EFR3B: variants seen among roughly 807,000 people sequenced by gnomAD.
EFR3B encodes the protein EFR3 homolog B.
In EFR3B, 64 loss-of-function variants were observed where a neutral mutation model predicts 104.7. The ratio of observed to expected loss-of-function variants is 0.61; its 90% CI spans 0.50 to 0.75. The LOEUF (loss-of-function observed/expected upper bound fraction) is 0.75, where lower values mean the gene tolerates loss of function less well. Ranked by LOEUF, EFR3B falls within the 30% of genes least tolerant of loss-of-function variation. EFR3B has a pLI of 0.00. For missense variants in EFR3B, 750 were observed against 1,078.5 expected (o/e 0.70, Z 4.27); for synonymous variants, 385 against 417.9 (o/e 0.92, Z 0.96).
chr2:25,149,581 C>T, intron 19 of EFR3B, 113 bp from the exon 20 acceptor site: 1 of 1,083,912 alleles, frequency 9.2e-7, no homozygotes, highest in Non-Finnish European at 1.4e-6. Flanking sequence ...GACTTCCTGC[C>T]CACTGGGACT....
Position 25,143,711 on chromosome 2 carries a change from C to G in EFR3B, c.1923-24C>G, listed in dbSNP as rs949315886. 5.2e-6 allele frequency: 8 copies of G among 1,550,816 alleles called. No individual in the cohort carries two copies. The African/African-American group carries it at 9.6e-5, about 19-fold the overall frequency. On this transcript the variant is annotated intron_variant, in intron 17 of 22. Coordinates refer to ENST00000403714, the MANE Select transcript of EFR3B (RefSeq NM_014971.2). ...TTCTAGATACCGCGGTTCTAACGAACTTTCTCCCTCCTTCATCTTCCAGGC... is the reference window on the plus strand; with the variant it reads ...TTCTAGATACCGCGGTTCTAACGAAGTTTCTCCCTCCTTCATCTTCCAGGC...
chr2:25,129,121 A>C (rs1038684232), intron 6 of EFR3B, among the ~76,000 whole-genome samples: 2 of 151,742 alleles, frequency 1.3e-5, no homozygotes, highest in Non-Finnish European at 2.9e-5. Flanking sequence ...GCAGCCACTC[A>C]GTAAGAGCTT....
intron 4 of EFR3B, among the ~76,000 whole-genome samples, chr2:25,108,598 A>C (rs537290979): frequency 3.5e-4 from 53 of 152,338 alleles, no homozygotes; most frequent in African/African-American, 1.3e-3. Context: ...AGAAGAAACT[A>C]TAGGGATAAG....
In EFR3B at chr2:25,136,456, G is replaced by A; in HGVS notation, c.1485-67G>A. ...CTAACAATGTTGGGGATAAAGCTCAGTGACCCCGTGTGAGCTCAGGCTGGC... is the reference window on the plus strand; with the variant it reads ...CTAACAATGTTGGGGATAAAGCTCAATGACCCCGTGTGAGCTCAGGCTGGC... On this transcript the variant is annotated intron_variant, in intron 13 of 22. Transcript: ENST00000403714. The surrounding 1 kb of genome is among the most constrained non-coding windows in gnomAD (Gnocchi z 4.0). 3 of 1,314,702 alleles carry A rather than the reference G, an allele frequency of 2.3e-6. No individual in the cohort carries two copies. The highest frequency in any genetic ancestry group is 2.5e-5 in the East Asian group (1 of 39,378). 81.4% of individuals were successfully genotyped at this position (1,314,702 alleles called of 1,614,324 possible). A position where few individuals can be genotyped will look rare whatever the true frequency, so the allele number is the denominator to read the frequency against.
chr2:25,107,325 A>G (rs933984186), intron 4 of EFR3B, among the ~76,000 whole-genome samples: 43 of 152,162 alleles, frequency 2.8e-4, no homozygotes, highest in African/African-American at 1.0e-3. Flanking sequence ...GCCTCCCTGT[A>G]GCTTTTCCCT....
intron 1 of EFR3B, among the ~76,000 whole-genome samples, chr2:25,047,206 A>G (rs1159022644): frequency 6.6e-6 from 1 of 152,226 alleles, no homozygotes; most frequent in Non-Finnish European, 1.5e-5. Flanking sequence ...CCTTCTATCT[A>G]TGACATCAAT....
chr2:25,137,646 C>A lies in EFR3B; in HGVS notation c.1722+144C>A. ...ATTGTACTCGTGGTTGGCCACGCCT[C>A]CCTGAAGACCCCAAACCATGGTCCT... is the stretch of plus-strand genomic sequence containing the variant. On this transcript the variant is annotated intron_variant, in intron 15 of 22. Transcript: ENST00000403714. The surrounding 1 kb of genome is among the most constrained non-coding windows in gnomAD (Gnocchi z 4.7). 1 of 1,149,202 alleles carries A rather than the reference C, an allele frequency of 8.7e-7. No individual in the cohort carries two copies. The highest frequency in any genetic ancestry group is 1.2e-6 in the Non-Finnish European group (1 of 820,668). The allele number at this position is 1,149,202 out of a possible 1,614,324, so 71.2% of individuals were successfully genotyped here. A position where few individuals can be genotyped will look rare whatever the true frequency, so the allele number is the denominator to read the frequency against.
chr2:25,152,886 A>C (rs1671054315), intron 21 of EFR3B, among the ~76,000 whole-genome samples: 1 of 151,718 alleles, frequency 6.6e-6, no homozygotes. Context: ...TATTGTTCTA[A>C]CCTCTCATCC....
At chr2:25,145,564 ACCT>A (rs1670791643) in intron 19 of EFR3B, 1 of 159,282 alleles carries the variant, frequency 6.3e-6, no homozygotes, top group African/African-American at 2.4e-5. Flanking sequence ...ACAGAGTGAG[ACCT>A]CGTCTCAAAA....
chr2:25,140,327 T>TA (rs2149209828), intron 16 of EFR3B, among the ~76,000 whole-genome samples: 1 of 152,048 alleles, frequency 6.6e-6, no homozygotes, highest in Non-Finnish European at 1.5e-5. Context: ...TAAAATGAAA[T>TA]ACATTAGCAA....
intron 1 of EFR3B, among the ~76,000 whole-genome samples, chr2:25,064,047 C>T (rs906750326): frequency 1.5e-4 from 23 of 152,172 alleles, no homozygotes; most frequent in African/African-American, 5.3e-4. Flanking sequence ...TAGGGCTCAA[C>T]CTAGTACTTG....
intron 21 of EFR3B, among the ~76,000 whole-genome samples, chr2:25,153,337 G>C (rs1671065335): frequency 6.6e-6 from 1 of 151,984 alleles, no homozygotes. Flanking sequence ...CTGGGTAACA[G>C]AGCAAGACTC....
At chr2:25,058,997 T>C (rs752208611) in intron 1 of EFR3B, among the ~76,000 whole-genome samples, 17 of 152,308 alleles carry the variant, frequency 1.1e-4, no homozygotes, top group Admixed American at 9.8e-4. Flanking sequence ...TACACCCATG[T>C]TCACAGCAGC....
At chr2:25,095,380 C>G (rs1669247071) in intron 3 of EFR3B, among the ~76,000 whole-genome samples, 1 of 152,102 alleles carries the variant, frequency 6.6e-6, no homozygotes, top group Non-Finnish European at 1.5e-5. Context: ...CAACAAATCT[C>G]AATGGCTGGA....
rs558933064 is a variant in EFR3B, at chr2:25,106,861, G to A, written c.363+3074G>A. Among the ~76,000 whole-genome samples, 37 of 152,320 alleles carry A rather than the reference G, an allele frequency of 2.4e-4. 1 individual carries two copies. Among genetic ancestry groups the A allele is most frequent in the African/African-American group, 8.7e-4 (36 of 41,570 alleles). ...GGCCTCCCAAAGTGCTGAGATTACA[G>A]GTGTGAGCTACCACGCCCGGTCCTT... On this transcript the variant is annotated intron_variant, in intron 4 of 22. Transcript: ENST00000403714.
chr2:25,157,318 C>T lies in EFR3B; in HGVS notation c.*2978C>T, dbSNP rs558449039. 5 of 152,198 alleles carry T rather than the reference C, an allele frequency of 3.3e-5. No homozygotes were observed. Among genetic ancestry groups the T allele is most frequent in the Admixed American group, 1.3e-4 (2 of 15,292 alleles). 9.4% of individuals were successfully genotyped at this position (152,198 alleles called of 1,614,324 possible). A position where few individuals can be genotyped will look rare whatever the true frequency, so the allele number is the denominator to read the frequency against. On this transcript the variant is annotated 3_prime_UTR_variant, in exon 23 of 23. Coordinates refer to ENST00000403714, the MANE Select transcript of EFR3B (RefSeq NM_014971.2). ...GGATTCTGGCCAAATAGGCCAGAAT[C>T]GGAAAGGTGAAGGTGAGTGTGATAG...
chr2:25,087,065 C>T (rs950329976), intron 1 of EFR3B, among the ~76,000 whole-genome samples: 10 of 152,086 alleles, frequency 6.6e-5, no homozygotes, highest in African/African-American at 2.4e-4. Flanking sequence ...ACAATTACGG[C>T]AGAAGGGGAA....
intron 1 of EFR3B, among the ~76,000 whole-genome samples, chr2:25,084,005 G>C (rs181635576): frequency 1.5e-3 from 230 of 152,190 alleles, no homozygotes; most frequent in African/African-American, 5.5e-3. Flanking sequence ...CCCTGCCCTG[G>C]TTTTGTATTT....
Position 25,136,437 on chromosome 2 carries a change from A to G in EFR3B, c.1485-86A>G, listed in dbSNP as rs1316658421. On this transcript the variant is annotated intron_variant, in intron 13 of 22. Transcript: ENST00000403714. This position sits in a 1 kb window ranked among gnomAD's most constrained non-coding sequence, Gnocchi z 4.0. The stretch of plus-strand genomic sequence containing the variant: ...ACTGGAGGCTTTGTACCAACTAACA[A>G]TGTTGGGGATAAAGCTCAGTGACCC... The G allele has an allele frequency of 9.2e-7, 1 of 1,091,884 alleles. No individual in the cohort carries two copies. The highest frequency in any genetic ancestry group is 2.1e-5 in the Admixed American group (1 of 46,828). The allele number at this position is 1,091,884 out of a possible 1,614,324, so 67.6% of individuals were successfully genotyped here. A position where few individuals can be genotyped will look rare whatever the true frequency, so the allele number is the denominator to read the frequency against.
Sources: gnomAD v4.1 joint callset for allele counts (sites outside exome capture counted in the v4.1 genomes callset) on GRCh38, gnomAD v4.1.1 for gene constraint, Gnocchi (gnomAD v3.1) non-coding constraint, MANE v1.5 for transcripts, NCBI Gene and HGNC (gene_info 2026-07-23, HGNC 2026-07-21) for gene names.